ARMC9: variants seen among roughly 807,000 people sequenced by gnomAD.
The protein encoded by ARMC9 is lisH domain-containing protein ARMC9.
In ARMC9, 94 loss-of-function variants were observed where a neutral mutation model predicts 107.0. The observed-to-expected ratio is 0.88, with a 90% CI of 0.74 to 1.04. The LOEUF is 1.04. Among genes scored for constraint, ARMC9 ranks in the 50% least tolerant of loss-of-function variants. ARMC9 has a pLI of 0.00. For missense variants in ARMC9, 942 were observed against 1,030.1 expected (o/e 0.91, Z 1.17); for synonymous variants, 380 against 396.9 (o/e 0.96, Z 0.51).
chr2:231,287,888 A>G (rs1408758556), intron 17 of ARMC9, among the ~76,000 whole-genome samples: 1 of 152,230 alleles, frequency 6.6e-6, no homozygotes, highest in Non-Finnish European at 1.5e-5. Flanking sequence ...AGCAGAAGAC[A>G]GGAAACAATG....
In ARMC9 at chr2:231,237,759, A is replaced by ATATATATG. The variant is rs201691675; in HGVS notation, c.781-2177_781-2176insGTATATAT. Among the ~76,000 whole-genome samples the ATATATATG allele has an allele frequency of 1.7e-4, 5 of 28,752 alleles. 1 individual carries two copies. Among genetic ancestry groups the ATATATATG allele is most frequent in the African/African-American group, 6.0e-4 (5 of 8,356 alleles). 18.9% of individuals were successfully genotyped at this position (28,752 alleles called of 152,430 possible). A position where few individuals can be genotyped will look rare whatever the true frequency, so the allele number is the denominator to read the frequency against. On this transcript the variant is annotated intron_variant, in intron 8 of 24. Coordinates refer to ENST00000611582, the MANE Select transcript of ARMC9 (RefSeq NM_001352754.2). ...GTATTGTTCTTGGCTATATGTATAT[A>ATATATATG]TATATATATATATATATATATATTT...
Position 231,222,785 on chromosome 2 carries a change from A to G in ARMC9, c.562A>G (p.Lys188Glu). Residue 188 changes from lysine (K) to glutamate (E), a missense_variant, in exon 6 of 25, where the codon AAA becomes GAA. Physicochemically the swap from Lys to Glu is moderately conservative, Grantham distance 56. Coordinates refer to ENST00000611582, the MANE Select transcript of ARMC9 (RefSeq NM_001352754.2). ...GATAAAGTTTCTAGCTTTAATATCT[A>G]AAGCCAGCAACACGCCAAAGCTTTT... ...KLIKFLALISKASNTPKLLTI... is the reference protein window; with the variant it reads ...KLIKFLALISEASNTPKLLTI... 1 of 1,595,554 alleles carries G rather than the reference A, an allele frequency of 6.3e-7. No homozygotes were observed. Among genetic ancestry groups the G allele is most frequent in the Non-Finnish European group, 8.6e-7 (1 of 1,164,506 alleles).
At chr2:231,256,183 G>A (rs544404852) in intron 9 of ARMC9, 3 of 1,528,918 alleles carry the variant, frequency 2.0e-6, no homozygotes, top group Admixed American at 3.9e-5. Context: ...AGTGCACGCA[G>A]GTGCGCGTGG....
At chr2:231,315,914 T>C in intron 19 of ARMC9, among the ~76,000 whole-genome samples, 1 of 152,242 alleles carries the variant, frequency 6.6e-6, no homozygotes, top group Non-Finnish European at 1.5e-5. Context: ...ACTAACTTTT[T>C]AGCCGTATTT....
chr2:231,264,034 G>A (rs1170839305), intron 12 of ARMC9, among the ~76,000 whole-genome samples: 2 of 151,990 alleles, frequency 1.3e-5, no homozygotes, highest in Non-Finnish European at 2.9e-5. Flanking sequence ...TTTCTTTCTT[G>A]ATTATGTATA....
intron 17 of ARMC9, among the ~76,000 whole-genome samples, chr2:231,285,798 G>C (rs1243817025): frequency 1.3e-5 from 2 of 152,336 alleles, no homozygotes; most frequent in African/African-American, 4.8e-5. Context: ...TCTAAGGGAT[G>C]ATCATGCCCA....
At chr2:231,214,308 T>C (rs1176386289) in intron 3 of ARMC9, among the ~76,000 whole-genome samples, 1 of 152,206 alleles carries the variant, frequency 6.6e-6, no homozygotes, top group Non-Finnish European at 1.5e-5. Context: ...CTGGTGTGCT[T>C]CTAGCAATGG....
chr2:231,261,592 A>G (rs2038347364), intron 11 of ARMC9, among the ~76,000 whole-genome samples: 1 of 152,182 alleles, frequency 6.6e-6, no homozygotes, highest in Non-Finnish European at 1.5e-5. Flanking sequence ...TTCCTGAGCT[A>G]GACCTCACTT....
chr2:231,233,491 T>C (rs938167761), intron 7 of ARMC9, among the ~76,000 whole-genome samples: 1 of 151,952 alleles, frequency 6.6e-6, no homozygotes, highest in African/African-American at 2.4e-5. Context: ...AGTTATCTAC[T>C]TGTGGCCGGG....
rs2038466159 is a variant in ARMC9 at position 231,262,527 on chromosome 2, A to G, written c.1119+129A>G. 5 of 907,452 alleles carry G rather than the reference A, an allele frequency of 5.5e-6. No individual in the cohort carries two copies. In the East Asian group the frequency reaches 1.0e-4, roughly 19 times the overall value. 56.2% of individuals were successfully genotyped at this position (907,452 alleles called of 1,614,324 possible). On this transcript the variant is annotated intron_variant, in intron 12 of 24. Transcript: ENST00000611582. ...GTAACTGTATGTCAGCCTTGAGCTC[A>G]TGAGGTTCTGGGCATTGGCTTACTT...
intron 17 of ARMC9, among the ~76,000 whole-genome samples, chr2:231,282,886 CAG>C (rs1393513926): frequency 6.6e-6 from 1 of 152,122 alleles, no homozygotes; most frequent in Non-Finnish European, 1.5e-5. Flanking sequence ...CACTACAGAA[CAG>C]GGGAAAATAA....
chr2:231,341,640 T>TGATAGATAGATAGATAGATA (rs56256642), intron 20 of ARMC9, among the ~76,000 whole-genome samples: 50 of 140,050 alleles, frequency 3.6e-4, no homozygotes, highest in East Asian at 7.9e-4. Context: ...GATAGATAGA[T>TGATAGATAGATAGATAGATA]GATAGATAGA....
At chr2:231,228,462 A>C (rs1355309048) in intron 7 of ARMC9, among the ~76,000 whole-genome samples, 2 of 152,172 alleles carry the variant, frequency 1.3e-5, no homozygotes, top group Non-Finnish European at 2.9e-5. Flanking sequence ...CTTGACGAGA[A>C]CACCTGCGTG....
chr2:231,321,010 C>T (rs1352444304), intron 19 of ARMC9, among the ~76,000 whole-genome samples: 1 of 152,202 alleles, frequency 6.6e-6, no homozygotes, highest in Non-Finnish European at 1.5e-5. Flanking sequence ...TTGAGTCCTG[C>T]CTGACAACTT....
At chr2:231,366,164 T>C (rs560390753) in intron 23 of ARMC9, among the ~76,000 whole-genome samples, 17 of 152,254 alleles carry the variant, frequency 1.1e-4, no homozygotes, top group African/African-American at 3.4e-4. Context: ...GAGTTGCCGT[T>C]CAAGTCCAAA....
intron 23 of ARMC9, among the ~76,000 whole-genome samples, chr2:231,367,169 A>G (rs1016747322): frequency 6.6e-5 from 10 of 152,102 alleles, no homozygotes; most frequent in Non-Finnish European, 1.5e-4. Flanking sequence ...AATTTTAAAA[A>G]ATTATTTTTA....
chr2:231,316,053 G>A (rs2042655483), intron 19 of ARMC9, among the ~76,000 whole-genome samples: 1 of 151,934 alleles, frequency 6.6e-6, no homozygotes, highest in African/African-American at 2.4e-5. Flanking sequence ...CTCGATTTCT[G>A]TTCCTCTTTT....
chr2:231,360,616 A>G lies in ARMC9; in HGVS notation c.2132-138A>G. On this transcript the variant is annotated intron_variant, in intron 22 of 24. Coordinates refer to ENST00000611582, the MANE Select transcript of ARMC9 (RefSeq NM_001352754.2). The surrounding 1 kb of genome is among the most constrained non-coding windows in gnomAD (Gnocchi z 4.7). ...GCTGCACGAGTAAACAAGTATCCCA[A>G]GCCACAGGCGCCAGGGAGCCCGCAG... 1.5e-6 allele frequency: 2 copies of G among 1,372,858 alleles called. No homozygotes were observed. The highest frequency in any genetic ancestry group is 2.0e-6 in the Non-Finnish European group (2 of 1,006,168). 85.0% of individuals were successfully genotyped at this position (1,372,858 alleles called of 1,614,324 possible). A position where few individuals can be genotyped will look rare whatever the true frequency, so the allele number is the denominator to read the frequency against.
chr2:231,374,686 C>G lies in ARMC9; in HGVS notation c.*3151C>G, dbSNP rs576737609. Reference sequence around the variant, plus strand: ...TAATAAAAACAAGTCTGGCCCTGTACTTGGATGACCCCACCTGGCTTGTCT... The same window carrying G: ...TAATAAAAACAAGTCTGGCCCTGTAGTTGGATGACCCCACCTGGCTTGTCT... On this transcript the variant is annotated 3_prime_UTR_variant, in exon 25 of 25. Transcript: ENST00000611582. 6.6e-6 allele frequency: 1 copy of G among 152,240 alleles called. No individual in the cohort carries two copies. The highest frequency in any genetic ancestry group is 1.9e-4 in the East Asian group (1 of 5,192). The allele number at this position is 152,240 out of a possible 1,614,324, so 9.4% of individuals were successfully genotyped here.
Sources: allele counts gnomAD v4.1 joint callset (sites outside exome capture counted in the v4.1 genomes callset), GRCh38; gene constraint gnomAD v4.1.1; non-coding constraint Gnocchi (gnomAD v3.1); transcripts MANE v1.5; gene names NCBI Gene and HGNC (gene_info 2026-07-23, HGNC 2026-07-21).